EYS: variants seen among roughly 807,000 people sequenced by gnomAD.
EYS encodes EGF-like photoreceptor maintenance factor.
Under a neutral mutation model 282.1 loss-of-function variants are expected in EYS, and 250 were observed. That is an observed-to-expected ratio of 0.89 (90% CI 0.80 to 0.98). The LOEUF (loss-of-function observed/expected upper bound fraction) is 0.98. Among genes scored for constraint, EYS ranks in the 50% least tolerant of loss-of-function variants. EYS has a pLI of 0.00. For missense variants in EYS, 4,016 were observed against 3,709.0 expected, an observed-to-expected ratio of 1.08 and a Z score of -2.15; for synonymous variants, 1,355 against 1,282.9, an observed-to-expected ratio of 1.06 and a Z score of -1.20.
chr6:65,222,302 G>A (rs1177496196), intron 12 of EYS, among the ~76,000 whole-genome samples: 4 of 152,180 alleles, frequency 2.6e-5, no homozygotes, highest in Non-Finnish European at 4.4e-5. Flanking sequence ...TGTGTCTTGG[G>A]AGGTACAGAG....
At chr6:65,003,748 A>C (rs1771544000) in intron 13 of EYS, among the ~76,000 whole-genome samples, 1 of 147,398 alleles carries the variant, frequency 6.8e-6, no homozygotes, top group African/African-American at 2.4e-5. Flanking sequence ...ACCTACGTGA[A>C]TATCAGGGCA....
chr6:65,687,662 T>G (rs1036075021), intron 1 of EYS, among the ~76,000 whole-genome samples: 2 of 152,146 alleles, frequency 1.3e-5, no homozygotes, highest in Non-Finnish European at 2.9e-5. Flanking sequence ...GCAGACGACA[T>G]GATTATATAT....
Position 64,394,059 on chromosome 6 carries a change from G to C in EYS, c.5928-5219C>G, listed in dbSNP as rs573919656. ...GCTTCAAAGAGAATAAAATACCTAG[G>C]AATCAAACTTACAAGGGATGTGAAG... On this transcript the variant is annotated intron_variant, in intron 28 of 42. Coordinates refer to ENST00000503581, the MANE Select transcript of EYS (RefSeq NM_001142800.2). Among the ~76,000 whole-genome samples, 3 of 152,084 alleles carry C rather than the reference G, an allele frequency of 2.0e-5. No homozygotes were observed. In the South Asian group the frequency reaches 6.2e-4, roughly 32 times the overall value.
intron 8 of EYS, among the ~76,000 whole-genome samples, chr6:65,360,192 AC>A (rs143336304): frequency 9.6e-4 from 146 of 152,096 alleles, no homozygotes; most frequent in African/African-American, 3.4e-3. Context: ...AAGTTTAAGT[AC>A]TAATAAATTA....
intron 41 of EYS, among the ~76,000 whole-genome samples, chr6:63,757,220 G>C (rs910115964): frequency 3.3e-5 from 5 of 151,986 alleles, no homozygotes; most frequent in Non-Finnish European, 5.9e-5. Flanking sequence ...CGCATTCTTG[G>C]GGGGAGGTCT....
chr6:64,762,763 G>T (rs1457938858), intron 22 of EYS, among the ~76,000 whole-genome samples: 7 of 151,956 alleles, frequency 4.6e-5, no homozygotes, highest in Non-Finnish European at 1.0e-4. Flanking sequence ...TGGTATTTGG[G>T]TCTTTTTCTT....
At chr6:64,672,345 A>G (rs1022642483) in intron 22 of EYS, among the ~76,000 whole-genome samples, 1 of 152,178 alleles carries the variant, frequency 6.6e-6, no homozygotes, top group South Asian at 2.1e-4. Flanking sequence ...AAGTACGTAC[A>G]ATCTGAGTTC....
chr6:64,688,904 C>A (rs4624853), intron 22 of EYS, among the ~76,000 whole-genome samples: 103,198 of 151,574 alleles, frequency 0.68, 36,203 homozygotes, highest in Middle Eastern at 0.78. Context: ...CCTTTGAAAA[C>A]TGGCACAAGA....
At chr6:65,411,019 G>A (rs1766994080) in intron 5 of EYS, among the ~76,000 whole-genome samples, 2 of 151,950 alleles carry the variant, frequency 1.3e-5, no homozygotes, top group South Asian at 4.2e-4. Context: ...TCACACATCT[G>A]GTTAATTAAT....
At chr6:65,133,674 A>G (rs983181487) in intron 12 of EYS, among the ~76,000 whole-genome samples, 7 of 152,152 alleles carry the variant, frequency 4.6e-5, no homozygotes, top group African/African-American at 1.7e-4. Context: ...GCCCTGGAAG[A>G]CAACATAGGC....
At chr6:65,142,164 C>T (rs570332647) in intron 12 of EYS, among the ~76,000 whole-genome samples, 9 of 151,962 alleles carry the variant, frequency 5.9e-5, no homozygotes, top group African/African-American at 9.6e-5. Flanking sequence ...ATAGTATATA[C>T]GTATTTTATA....
intron 26 of EYS, among the ~76,000 whole-genome samples, chr6:64,586,901 A>C (rs1484605700): frequency 6.6e-6 from 1 of 152,122 alleles, no homozygotes; most frequent in Non-Finnish European, 1.5e-5. Context: ...ACCAGTAGAA[A>C]AAATAGAGTT....
At chr6:65,499,716 C>T (rs144199241) in intron 2 of EYS, among the ~76,000 whole-genome samples, 231 of 151,948 alleles carry the variant, frequency 1.5e-3, no homozygotes, top group African/African-American at 5.4e-3. Context: ...TTCAGAAATG[C>T]TACCAGCAGT....
intron 2 of EYS, among the ~76,000 whole-genome samples, chr6:65,631,768 T>A (rs951430985): frequency 9.9e-5 from 15 of 152,166 alleles, no homozygotes; most frequent in African/African-American, 3.6e-4. Flanking sequence ...GAGTAGAGTA[T>A]AAGTAAAATT....
intron 2 of EYS, among the ~76,000 whole-genome samples, chr6:65,613,139 A>G (rs575005047): frequency 6.6e-6 from 1 of 151,976 alleles, no homozygotes; most frequent in East Asian, 1.9e-4. Flanking sequence ...CTGTCTTATA[A>G]CTTTAATTTT....
At chr6:63,868,003 T>C (rs7739796) in intron 35 of EYS, among the ~76,000 whole-genome samples, 149 of 152,292 alleles carry the variant, frequency 9.8e-4, no homozygotes, top group African/African-American at 3.3e-3. Flanking sequence ...TTTATTTCTG[T>C]TTTTGGGCTA....
intron 26 of EYS, among the ~76,000 whole-genome samples, chr6:64,517,734 T>TA (rs55642727): frequency 0.022 from 3,285 of 151,764 alleles, 61 homozygotes; most frequent in African/African-American, 0.053. Flanking sequence ...GAATAGAAAA[T>TA]AAAAAAATTA....
chr6:64,095,413 A>G (rs1197439788), intron 31 of EYS, among the ~76,000 whole-genome samples: 1 of 151,992 alleles, frequency 6.6e-6, no homozygotes, highest in African/African-American at 2.4e-5. Context: ...GTCTCTAAGG[A>G]CTTGCTTTAT....
intron 13 of EYS, among the ~76,000 whole-genome samples, chr6:65,018,301 G>A (rs1433231866): frequency 6.6e-6 from 1 of 151,332 alleles, no homozygotes; most frequent in African/African-American, 2.4e-5. Flanking sequence ...GGCTGTAAGA[G>A]AGAATGTGTT....
Sources: gnomAD v4.1 joint callset for allele counts (sites outside exome capture counted in the v4.1 genomes callset) on GRCh38, gnomAD v4.1.1 for gene constraint, MANE v1.5 for transcripts, NCBI Gene and HGNC (gene_info 2026-07-23, HGNC 2026-07-21) for gene names.